EIF4G3: variants seen among roughly 807,000 people sequenced by gnomAD.
The protein encoded by EIF4G3 is eIF-4-gamma 3.
A neutral mutation model predicts 186.4 loss-of-function variants in EIF4G3; 34 were observed. The ratio of observed to expected loss-of-function variants is 0.18; its 90% CI spans 0.14 to 0.24. The LOEUF (loss-of-function observed/expected upper bound fraction) is 0.24. Ranked by LOEUF, EIF4G3 falls within the 10% of genes least tolerant of loss-of-function variation. The pLI, the probability that EIF4G3 is intolerant of heterozygous loss-of-function variation, is 1.00. For missense variants in EIF4G3, 1,536 were observed against 1,948.5 expected, an observed-to-expected ratio of 0.79 and a Z score of 3.99; for synonymous variants, 673 against 679.5, an observed-to-expected ratio of 0.99 and a Z score of 0.15.
rs1264329967 is a variant in EIF4G3, at chr1:21,042,575, C to A, written c.-67+8291G>T. On this transcript the variant is annotated intron_variant, in intron 4 of 36. Transcript: ENST00000602326. ...TCATTTGATCCCTTATAAAAACAGT[C>A]CTGAATCAAGCTTGTCTTCTCATTT... 8.5e-5 allele frequency among the ~76,000 whole-genome samples: 13 copies of A among 152,244 alleles called. No individual in the cohort carries two copies. In the East Asian group the frequency reaches 2.5e-3, roughly 29 times the overall value.
intron 29 of EIF4G3, among the ~76,000 whole-genome samples, chr1:20,847,365 G>C (rs1048098575): frequency 6.6e-6 from 1 of 152,076 alleles, no homozygotes; most frequent in Middle Eastern, 3.2e-3. Context: ...AAGATACAAC[G>C]ATTCTGCCCC....
chr1:21,039,689 T>C (rs976634232), intron 4 of EIF4G3, among the ~76,000 whole-genome samples: 1 of 152,120 alleles, frequency 6.6e-6, no homozygotes, highest in African/African-American at 2.4e-5. Flanking sequence ...AAAAACTTTC[T>C]GTAAAGAACA....
chr1:20,938,357 G>T (rs1201455708), intron 14 of EIF4G3, among the ~76,000 whole-genome samples: 1 of 152,104 alleles, frequency 6.6e-6, no homozygotes, highest in African/African-American at 2.4e-5. Context: ...AAAATGTTTT[G>T]CAGCAGAACT....
intron 4 of EIF4G3, among the ~76,000 whole-genome samples, chr1:21,027,060 G>C (rs1263257103): frequency 6.6e-6 from 1 of 150,564 alleles, no homozygotes; most frequent in Non-Finnish European, 1.5e-5. Context: ...CTATTAAAAA[G>C]ACATACACAA....
At chr1:20,863,505 C>A (rs111640461) in intron 22 of EIF4G3, among the ~76,000 whole-genome samples, 1 of 136,090 alleles carries the variant, frequency 7.3e-6, no homozygotes, top group South Asian at 2.3e-4. Flanking sequence ...AGTGCGATGG[C>A]GCAATCTTGG....
intron 14 of EIF4G3, among the ~76,000 whole-genome samples, chr1:20,922,767 G>T (rs1392651677): frequency 6.6e-6 from 1 of 152,156 alleles, no homozygotes; most frequent in Non-Finnish European, 1.5e-5. Context: ...CACAATCAAA[G>T]ACTTGGATAC....
At chr1:20,948,618 A>T (rs549768081) in intron 13 of EIF4G3, among the ~76,000 whole-genome samples, 1 of 152,204 alleles carries the variant, frequency 6.6e-6, no homozygotes, top group African/African-American at 2.4e-5. Context: ...CATCTTTCAG[A>T]AAGTTTATAA....
At chr1:20,950,163 C>A in intron 12 of EIF4G3, 52 bp from the exon 13 acceptor site, 1 of 1,382,486 alleles carries the variant, frequency 7.2e-7, no homozygotes, top group Non-Finnish European at 9.7e-7. Flanking sequence ...AACATAAAAA[C>A]TAGCAACATG....
intron 14 of EIF4G3, among the ~76,000 whole-genome samples, chr1:20,907,180 G>A (rs558857853): frequency 1.1e-4 from 16 of 152,188 alleles, no homozygotes; most frequent in African/African-American, 3.9e-4. Flanking sequence ...AACTTCCCAA[G>A]GCAAAGACAT....
chr1:20,821,973 G>C (rs897438646), intron 33 of EIF4G3, among the ~76,000 whole-genome samples: 1 of 151,890 alleles, frequency 6.6e-6, no homozygotes, highest in Non-Finnish European at 1.5e-5. Context: ...TGCCTCCTGG[G>C]TTCAAGCAAT....
chr1:20,943,631 C>T (rs1344973088), intron 13 of EIF4G3, among the ~76,000 whole-genome samples: 1 of 152,132 alleles, frequency 6.6e-6, no homozygotes, highest in Non-Finnish European at 1.5e-5. Flanking sequence ...TAAAAGACAA[C>T]CTAAACTGAG....
In EIF4G3 at chr1:20,807,294, T is replaced by G; in HGVS notation, c.*25A>C. The G allele has an allele frequency of 6.5e-7, 1 of 1,546,770 alleles. No homozygotes were observed. The highest frequency in any genetic ancestry group is 8.8e-7 in the Non-Finnish European group (1 of 1,140,170). On this transcript the variant is annotated 3_prime_UTR_variant, in exon 37 of 37. Coordinates refer to ENST00000602326, the MANE Select transcript of EIF4G3 (RefSeq NM_001391906.1). ...AAAAAAATACTTAAATTGTTTCTTT[T>G]GTTTCATTTTGTGTATTTGAAGTTT... is the stretch of plus-strand genomic sequence containing the variant.
Position 21,176,871 on chromosome 1 carries a change from C to G in EIF4G3, c.-605G>C, listed in dbSNP as rs1339947304. 1 of 698,154 alleles carries G rather than the reference C, an allele frequency of 1.4e-6. No homozygotes were observed. Among genetic ancestry groups the G allele is most frequent in the African/African-American group, 1.8e-5 (1 of 56,932 alleles). 43.2% of individuals were successfully genotyped at this position (698,154 alleles called of 1,614,324 possible). A position where few individuals can be genotyped will look rare whatever the true frequency, so the allele number is the denominator to read the frequency against. On this transcript the variant is annotated 5_prime_UTR_variant, in exon 1 of 37. Transcript: ENST00000602326. ...AGAGCATCCAACATGGCGCTGTGGC[C>G]GCCTCCAGCAGTCCGGCAGGACGGC... is the stretch of plus-strand genomic sequence containing the variant.
chr1:20,939,757 T>C (rs186517208), intron 14 of EIF4G3, among the ~76,000 whole-genome samples: 18 of 152,260 alleles, frequency 1.2e-4, no homozygotes, highest in East Asian at 1.9e-4. Context: ...AAAATGAACA[T>C]TGAAGTGTCA....
intron 29 of EIF4G3, among the ~76,000 whole-genome samples, chr1:20,848,192 C>A (rs919461500): frequency 6.6e-6 from 1 of 152,102 alleles, no homozygotes; most frequent in African/African-American, 2.4e-5. Flanking sequence ...GTCTCAAACT[C>A]TTGAGCTTAA....
Position 20,948,231 on chromosome 1 carries a change from G to A in EIF4G3, c.823+1772C>T, listed in dbSNP as rs757204573. Among the ~76,000 whole-genome samples the A allele has an allele frequency of 8.5e-5, 13 of 152,216 alleles. 1 individual carries two copies. Among genetic ancestry groups the A allele is most frequent in the South Asian group, 4.1e-4 (2 of 4,820 alleles). ...TCTCCACTAAGATTAAAAACATTCC[G>A]AATTTTGACTCAAAACGACTTTATC... is the stretch of plus-strand genomic sequence containing the variant. On this transcript the variant is annotated intron_variant, in intron 13 of 36. Coordinates refer to ENST00000602326, the MANE Select transcript of EIF4G3 (RefSeq NM_001391906.1).
intron 12 of EIF4G3, among the ~76,000 whole-genome samples, chr1:20,959,368 C>T (rs2096517663): frequency 6.6e-6 from 1 of 151,962 alleles, no homozygotes; most frequent in African/African-American, 2.4e-5. Flanking sequence ...TATTTCTCAC[C>T]TTGTACAAAA....
chr1:21,098,540 GAAAAA>G lies in EIF4G3; in HGVS notation c.-271-9332_-271-9328del, dbSNP rs59544256. 6.8e-3 allele frequency among the ~76,000 whole-genome samples: 492 copies of G among 72,718 alleles called. 2 individuals are homozygous for G. The highest frequency in any genetic ancestry group is 0.022 in the African/African-American group (465 of 20,676). 47.7% of individuals were successfully genotyped at this position (72,718 alleles called of 152,430 possible). A position where few individuals can be genotyped will look rare whatever the true frequency, so the allele number is the denominator to read the frequency against. On this transcript the variant is annotated intron_variant, in intron 2 of 36. Transcript: ENST00000602326. ...GGCAACCAGAGCGAGGCCCTGTCTC[GAAAAA>G]AAAAAAAAAAAAAAAAAAGAAGAAG...
intron 2 of EIF4G3, among the ~76,000 whole-genome samples, chr1:21,095,838 T>C (rs1343284895): frequency 6.6e-6 from 1 of 151,764 alleles, no homozygotes; most frequent in Non-Finnish European, 1.5e-5. Context: ...TATGCAACAA[T>C]GGCTGCTGAC....
Sources: allele counts gnomAD v4.1 joint callset (sites outside exome capture counted in the v4.1 genomes callset), GRCh38; gene constraint gnomAD v4.1.1; transcripts MANE v1.5; gene names NCBI Gene and HGNC (gene_info 2026-07-23, HGNC 2026-07-21).